GBE1: variants seen among roughly 807,000 people sequenced by gnomAD.
GBE1 encodes 1,4-alpha-glucan-branching enzyme.
In GBE1, 70 loss-of-function variants were observed where a neutral mutation model predicts 88.8. That is an observed-to-expected ratio of 0.79 (90% CI 0.65 to 0.96). The LOEUF (loss-of-function observed/expected upper bound fraction) is 0.96. Among genes scored for constraint, GBE1 ranks in the 40% least tolerant of loss-of-function variants. The pLI is 0.00. For synonymous variants in GBE1, 284 were observed against 300.1 expected, an observed-to-expected ratio of 0.95 and a Z score of 0.56; for missense variants, 872 against 871.0, an observed-to-expected ratio of 1.00 and a Z score of -0.01.
intron 7 of GBE1, among the ~76,000 whole-genome samples, chr3:81,606,106 A>G (rs1704098529): frequency 6.6e-6 from 1 of 152,202 alleles, no homozygotes; most frequent in Non-Finnish European, 1.5e-5. Flanking sequence ...ATGTGTTTAT[A>G]AAAAACAAAA....
chr3:81,687,630 T>A (rs573248115), intron 2 of GBE1, among the ~76,000 whole-genome samples: 1 of 152,244 alleles, frequency 6.6e-6, no homozygotes, highest in East Asian at 1.9e-4. Flanking sequence ...TTCTGTGGAA[T>A]GTTGATGGCC....
At chr3:81,667,566 G>C (rs1705129045) in intron 3 of GBE1, among the ~76,000 whole-genome samples, 1 of 152,140 alleles carries the variant, frequency 6.6e-6, no homozygotes, top group Non-Finnish European at 1.5e-5. Flanking sequence ...CATTCAATAT[G>C]ATATTAGTTG....
chr3:81,507,668 G>A (rs957586382), intron 14 of GBE1, among the ~76,000 whole-genome samples: 3 of 147,220 alleles, frequency 2.0e-5, no homozygotes, highest in African/African-American at 7.4e-5. Flanking sequence ...ATACATATAT[G>A]TGTGTGTGTA....
At chr3:81,661,219 G>T (rs1357894283) in intron 3 of GBE1, among the ~76,000 whole-genome samples, 2 of 151,642 alleles carry the variant, frequency 1.3e-5, no homozygotes, top group East Asian at 1.9e-4. Context: ...ATTGAAGGAA[G>T]AAAGAAAAAA....
intron 2 of GBE1, among the ~76,000 whole-genome samples, chr3:81,683,734 T>A (rs1705391691): frequency 6.6e-6 from 1 of 152,202 alleles, no homozygotes; most frequent in African/African-American, 2.4e-5. Context: ...TGTTTTGCTA[T>A]CCAGACACAT....
intron 2 of GBE1, among the ~76,000 whole-genome samples, chr3:81,676,732 C>T (rs1269628817): frequency 6.6e-6 from 1 of 151,818 alleles, no homozygotes; most frequent in Non-Finnish European, 1.5e-5. Context: ...TGGTGGAAAA[C>T]CTGATATATT....
chr3:81,618,934 C>T (rs185460908), intron 7 of GBE1, among the ~76,000 whole-genome samples: 1 of 152,074 alleles, frequency 6.6e-6, no homozygotes, highest in East Asian at 1.9e-4. Flanking sequence ...AAACACTGTA[C>T]CTAATATACT....
At chr3:81,561,266 G>T (rs528890882) in intron 12 of GBE1, among the ~76,000 whole-genome samples, 7 of 152,092 alleles carry the variant, frequency 4.6e-5, no homozygotes, top group South Asian at 2.1e-4. Context: ...ATTCAAACTT[G>T]TACAGTCAAA....
chr3:81,659,337 TTTTTTTTTTATTTTTTTTTAG>T (rs1704989825), intron 3 of GBE1, among the ~76,000 whole-genome samples: 1 of 147,288 alleles, frequency 6.8e-6, no homozygotes, highest in Non-Finnish European at 1.5e-5. Context: ...TCTTTTTTTA[TTTTTTTTTTATTTTTTTTTAG>T]ACAGTCTCAG....
In GBE1 at chr3:81,581,248, A is replaced by G; in HGVS notation, c.1363T>C (p.Trp455Arg). The change falls in exon 11 of 16, where the codon TGG becomes CGG. Residue 455 changes from tryptophan (W) to arginine (R), a missense_variant. Transcript: ENST00000429644. The stretch of plus-strand genomic sequence containing the variant: ...GTGTATACTATATCGCCCATGTTCC[A>G]GTCTTCATCTTTAAACTCTTTAAGT... ...QLLKEFKDED[W>R]NMGDIVYTLT... 1 of 1,597,814 alleles carries G rather than the reference A, an allele frequency of 6.3e-7. No individual in the cohort carries two copies. Among genetic ancestry groups the G allele is most frequent in the Non-Finnish European group, 8.5e-7 (1 of 1,173,782 alleles).
chr3:81,537,055 T>C lies in GBE1; in HGVS notation c.1659A>G (p.Arg553=), dbSNP rs1219599763. 1 of 1,564,656 alleles carries C rather than the reference T, an allele frequency of 6.4e-7. No homozygotes were observed. The highest frequency in any genetic ancestry group is 8.6e-7 in the Non-Finnish European group (1 of 1,159,964). Residue 553 remains arginine (R), a synonymous_variant, in exon 13 of 16, where the codon AGA becomes AGG. Transcript: ENST00000429644. ...FGHPEWLDFP[R]KGNNESYHYA... ...AATGGTAACTCTCATTATTTCCTTT[T>C]CTTGGGAAGTCTAACCATTCAGGAT...
intron 12 of GBE1, among the ~76,000 whole-genome samples, chr3:81,575,619 C>G (rs990060376): frequency 1.3e-5 from 2 of 151,932 alleles, no homozygotes; most frequent in South Asian, 2.1e-4. Flanking sequence ...AAATAAAATT[C>G]CAGAAAATTA....
intron 15 of GBE1, among the ~76,000 whole-genome samples, chr3:81,498,235 G>C (rs527318688): frequency 6.6e-6 from 1 of 152,236 alleles, no homozygotes; most frequent in African/African-American, 2.4e-5. Context: ...GCATCACTCT[G>C]AGAAGTGGGA....
intron 12 of GBE1, among the ~76,000 whole-genome samples, chr3:81,542,352 G>A (rs965304892): frequency 2.6e-5 from 4 of 151,938 alleles, no homozygotes; most frequent in African/African-American, 9.7e-5. Context: ...TTGTACACCT[G>A]TCTGATATTT....
At chr3:81,550,476 T>C (rs976614324) in intron 12 of GBE1, among the ~76,000 whole-genome samples, 2 of 151,566 alleles carry the variant, frequency 1.3e-5, no homozygotes, top group East Asian at 1.9e-4. Flanking sequence ...GGAGAATATA[T>C]GTCAGAGGTG....
At chr3:81,505,689 T>C (rs1402587651) in intron 14 of GBE1, among the ~76,000 whole-genome samples, 1 of 152,154 alleles carries the variant, frequency 6.6e-6, no homozygotes, top group African/African-American at 2.4e-5. Context: ...GATATATTAC[T>C]ACATAGATAA....
intron 5 of GBE1, among the ~76,000 whole-genome samples, chr3:81,647,916 T>A (rs946481536): frequency 6.6e-6 from 1 of 152,118 alleles, no homozygotes; most frequent in Non-Finnish European, 1.5e-5. Flanking sequence ...AGTAAGAGAA[T>A]CCTTGTGCTG....
At chr3:81,493,889 G>A (rs1305394167) in intron 15 of GBE1, among the ~76,000 whole-genome samples, 1 of 151,462 alleles carries the variant, frequency 6.6e-6, no homozygotes, top group Admixed American at 6.6e-5. Context: ...CATATGCACT[G>A]CAATATATTC....
rs115888616 is a variant in GBE1, at chr3:81,598,696, A to G, written c.993-4673T>C. Among the ~76,000 whole-genome samples, 1,045 of 151,984 alleles carry G rather than the reference A, an allele frequency of 6.9e-3. 8 individuals are homozygous for G. The highest frequency in any genetic ancestry group is 0.024 in the Middle Eastern group (6 of 250). On this transcript the variant is annotated intron_variant, in intron 7 of 15. Transcript: ENST00000429644. ...AACAGTATCATCAATAATAAAGTGT[A>G]TCTGGATTTTAGACACGAGAATTAT...
Sources: allele counts gnomAD v4.1 joint callset (sites outside exome capture counted in the v4.1 genomes callset), GRCh38; gene constraint gnomAD v4.1.1; transcripts MANE v1.5; gene names NCBI Gene and HGNC (gene_info 2026-07-23, HGNC 2026-07-21).